STAU2: variants seen among roughly 807,000 people sequenced by gnomAD.
STAU2 encodes the protein staufen double-stranded RNA binding protein 2.
STAU2 carries 20 observed loss-of-function variants against 65.9 expected under a neutral mutation model. The ratio of observed to expected loss-of-function variants is 0.30; its 90% CI spans 0.21 to 0.44. The LOEUF is 0.44. STAU2 is among the 20% of genes least tolerant of loss of function. STAU2 has a pLI of 1.00. For missense variants in STAU2, 558 were observed against 683.9 expected (o/e 0.82, Z 2.05); for synonymous variants, 232 against 233.9 (o/e 0.99, Z 0.07).
chr8:73,679,820 G>A (rs936801944), intron 5 of STAU2, among the ~76,000 whole-genome samples: 22 of 150,908 alleles, frequency 1.5e-4, no homozygotes, highest in Admixed American at 2.6e-4. Context: ...CCCAGGAGGC[G>A]GAGGCTGCAG....
At chr8:73,580,099 C>A (rs993756551) in intron 12 of STAU2, among the ~76,000 whole-genome samples, 1 of 152,050 alleles carries the variant, frequency 6.6e-6, no homozygotes, top group African/African-American at 2.4e-5. Flanking sequence ...TGGTTCCAAG[C>A]TAATTTCGTA....
intron 6 of STAU2, among the ~76,000 whole-genome samples, chr8:73,638,254 G>GT (rs1814697459): frequency 6.6e-6 from 1 of 151,588 alleles, no homozygotes; most frequent in Non-Finnish European, 1.5e-5. Context: ...AAATAAAAAA[G>GT]TAAAGGCTCT....
intron 5 of STAU2, among the ~76,000 whole-genome samples, chr8:73,676,872 A>C (rs1440021296): frequency 6.6e-6 from 1 of 152,228 alleles, no homozygotes; most frequent in Non-Finnish European, 1.5e-5. Flanking sequence ...CTGGGATTAC[A>C]GGTGTGAGCT....
chr8:73,595,194 G>C lies in STAU2; in HGVS notation c.1133C>G (p.Ser378Cys), dbSNP rs747946380. The change falls in exon 11 of 15, where the codon TCC becomes TGC. Residue 378 changes from serine to cysteine, a missense_variant. Around this residue, in one of 3 missense-constraint regions of STAU2, gnomAD observed 247 missense variants for 270.1 expected, o/e 0.91. Coordinates refer to ENST00000524300, the MANE Select transcript of STAU2 (RefSeq NM_001164380.2). ...CTCAAGTTGATCCTGAAGATTAGTGGATGCTTTATAACCAAGTTGTAACAG... is the reference window on the plus strand; with the variant it reads ...CTCAAGTTGATCCTGAAGATTAGTGCATGCTTTATAACCAAGTTGTAACAG... Reference protein sequence around the residue: ...AMLLQLGYKASTNLQDQLEKT... With the variant: ...AMLLQLGYKACTNLQDQLEKT... 7 of 1,608,622 alleles carry C rather than the reference G, an allele frequency of 4.4e-6. No homozygotes were observed. The highest frequency in any genetic ancestry group is 3.4e-6 in the Non-Finnish European group (4 of 1,178,022).
chr8:73,626,068 T>TAC (rs1221256394), intron 6 of STAU2, among the ~76,000 whole-genome samples: 9 of 123,682 alleles, frequency 7.3e-5, no homozygotes, highest in East Asian at 2.5e-4. Flanking sequence ...ATCAAGTAAG[T>TAC]ACACATACAC....
At chr8:73,692,386 CG>C (rs1175420214) in intron 4 of STAU2, among the ~76,000 whole-genome samples, 1 of 151,840 alleles carries the variant, frequency 6.6e-6, no homozygotes, top group Non-Finnish European at 1.5e-5. Flanking sequence ...TTAGTAGAGA[CG>C]GGGTTTCACT....
At chr8:73,507,431 C>A (rs1245860889) in intron 13 of STAU2, among the ~76,000 whole-genome samples, 2 of 150,434 alleles carry the variant, frequency 1.3e-5, no homozygotes, top group Admixed American at 1.3e-4. Flanking sequence ...TTGAAAGAAG[C>A]CCTTTTTTCT....
intron 4 of STAU2, among the ~76,000 whole-genome samples, chr8:73,702,812 CG>C (rs1271272333): frequency 1.3e-5 from 2 of 152,090 alleles, no homozygotes; most frequent in African/African-American, 4.8e-5. Flanking sequence ...TCAGTCACTA[CG>C]GAAGTGCAAA....
intron 13 of STAU2, among the ~76,000 whole-genome samples, chr8:73,435,034 CAG>C (rs1451834806): frequency 1.6e-5 from 2 of 128,812 alleles, no homozygotes; most frequent in Non-Finnish European, 3.0e-5. Context: ...TCCCTAGCCT[CAG>C]GAACACCTGG....
intron 3 of STAU2, among the ~76,000 whole-genome samples, chr8:73,712,514 T>G (rs934259762): frequency 4.6e-5 from 7 of 152,230 alleles, no homozygotes; most frequent in Non-Finnish European, 8.8e-5. Flanking sequence ...TTCATTATTA[T>G]TCTGATTTAA....
intron 12 of STAU2, among the ~76,000 whole-genome samples, 168 bp downstream of exon 12, chr8:73,582,602 C>T (rs902983957): frequency 4.0e-5 from 6 of 151,868 alleles, no homozygotes; most frequent in African/African-American, 7.3e-5. Flanking sequence ...CTTAGTTTTC[C>T]AGCTATTCTG....
intron 8 of STAU2, among the ~76,000 whole-genome samples, chr8:73,614,221 A>T (rs1812668458): frequency 6.6e-6 from 1 of 152,186 alleles, no homozygotes; most frequent in Non-Finnish European, 1.5e-5. Flanking sequence ...TTCTAATTAC[A>T]GTTTCTCCAT....
chr8:73,677,049 G>A (rs1365130872), intron 5 of STAU2, among the ~76,000 whole-genome samples: 1 of 152,164 alleles, frequency 6.6e-6, no homozygotes, highest in Non-Finnish European at 1.5e-5. Flanking sequence ...AGACAATGCA[G>A]ATTTTTAAGT....
At chr8:73,618,189 C>T (rs1035396733) in intron 6 of STAU2, among the ~76,000 whole-genome samples, 1 of 152,016 alleles carries the variant, frequency 6.6e-6, no homozygotes, top group Admixed American at 6.6e-5. Flanking sequence ...AACAACAACA[C>T]TTAGAGTGGG....
intron 13 of STAU2, chr8:73,549,738 C>G: frequency 1.0e-6 from 1 of 985,734 alleles, no homozygotes; most frequent in Non-Finnish European, 1.2e-6. Flanking sequence ...CAATAAGCAA[C>G]AGTATCTGTT....
chr8:73,687,284 A>AAATTTATATTTATAAATAT (rs1554563739), intron 5 of STAU2, among the ~76,000 whole-genome samples: 3 of 18,552 alleles, frequency 1.6e-4, no homozygotes, highest in African/African-American at 3.3e-4. Flanking sequence ...ACATTTATAA[A>AAATTTATATTTATAAATAT]AATTTATATT....
intron 13 of STAU2, among the ~76,000 whole-genome samples, chr8:73,466,541 A>G (rs1031776522): frequency 2.0e-5 from 3 of 152,322 alleles, no homozygotes; most frequent in Non-Finnish European, 4.4e-5. Flanking sequence ...AATGTGACAC[A>G]GAAGAGGGGG....
intron 12 of STAU2, among the ~76,000 whole-genome samples, chr8:73,576,347 G>A (rs1388668173): frequency 6.6e-6 from 1 of 151,990 alleles, no homozygotes; most frequent in Non-Finnish European, 1.5e-5. Flanking sequence ...CTTAAGTGGG[G>A]GGCGGGAGAG....
At chr8:73,529,385 T>C (rs1805658068) in intron 13 of STAU2, among the ~76,000 whole-genome samples, 1 of 152,224 alleles carries the variant, frequency 6.6e-6, no homozygotes, top group Non-Finnish European at 1.5e-5. Context: ...ATAGTGCTAT[T>C]ATAAAACATG....
Sources: allele counts gnomAD v4.1 joint callset (sites outside exome capture counted in the v4.1 genomes callset), GRCh38; gene constraint gnomAD v4.1.1; regional missense constraint gnomAD v4.1.1; transcripts MANE v1.5; gene names NCBI Gene and HGNC (gene_info 2026-07-23, HGNC 2026-07-21).